CGNL1: variants seen among roughly 807,000 people sequenced by gnomAD.
The protein encoded by CGNL1 is cingulin like 1.
In CGNL1, 132 loss-of-function variants were observed where a neutral mutation model predicts 141.2. The ratio of observed to expected loss-of-function variants is 0.93; its 90% CI spans 0.81 to 1.08. The LOEUF (loss-of-function observed/expected upper bound fraction) is 1.08. Ranked by LOEUF, CGNL1 falls within the 50% of genes least tolerant of loss-of-function variation. The pLI is 0.00. For synonymous variants in CGNL1, 690 were observed against 622.1 expected, an observed-to-expected ratio of 1.11 and a Z score of -1.63; for missense variants, 1,870 against 1,588.6, an observed-to-expected ratio of 1.18 and a Z score of -3.01.
chr15:57,391,913 G>A (rs1162438513), intron 1 of CGNL1, among the ~76,000 whole-genome samples: 1 of 151,806 alleles, frequency 6.6e-6, no homozygotes, highest in African/African-American at 2.4e-5. Flanking sequence ...ATGCAAATCA[G>A]CATGTATTCT....
At chr15:57,520,742 T>C (rs1446139358) in intron 10 of CGNL1, among the ~76,000 whole-genome samples, 2 of 152,154 alleles carry the variant, frequency 1.3e-5, no homozygotes, top group East Asian at 1.9e-4. Flanking sequence ...TCCCACCCCA[T>C]TGGACTTTTG....
rs138689438 is a variant in CGNL1 at position 57,469,862 on chromosome 15, A to G, written c.2403+7970A>G. On this transcript the variant is annotated intron_variant, in intron 8 of 18. Transcript: ENST00000281282. ...TTTGTCCCTTCCCTCTTTCCTGCCA[A>G]TGTCTGAAGAGGTTCTTCCAAAGCA... Among the ~76,000 whole-genome samples the G allele has an allele frequency of 2.0e-3, 307 of 152,246 alleles. 3 individuals are homozygous for G. The highest frequency in any genetic ancestry group is 7.0e-3 in the African/African-American group (291 of 41,548).
At chr15:57,540,916 T>C (rs1003605237) in intron 14 of CGNL1, among the ~76,000 whole-genome samples, 1 of 152,214 alleles carries the variant, frequency 6.6e-6, no homozygotes, top group African/African-American at 2.4e-5. Context: ...CTTGCTCTCA[T>C]TATGACAATG....
rs1319753599 is a variant in CGNL1 at position 57,394,617 on chromosome 15, C to A, written c.-16+18050C>A. 3.9e-5 allele frequency among the ~76,000 whole-genome samples: 6 copies of A among 152,260 alleles called. No homozygotes were observed. In the Middle Eastern group the frequency reaches 0.014, roughly 345 times the overall value. The stretch of plus-strand genomic sequence containing the variant: ...GCCATTCTCAAATGTACAGGTTATT[C>A]TTGTAAATTGGAGACTATTGTATCA... On this transcript the variant is annotated intron_variant, in intron 1 of 18. Coordinates refer to ENST00000281282, the MANE Select transcript of CGNL1 (RefSeq NM_032866.5).
chr15:57,380,241 C>A (rs1567083597), intron 1 of CGNL1, among the ~76,000 whole-genome samples: 1 of 152,138 alleles, frequency 6.6e-6, no homozygotes, highest in Non-Finnish European at 1.5e-5. Context: ...ACCATGTTGG[C>A]CAGGCTGGTC....
chr15:57,394,122 T>TTTTTG (rs2062575937), intron 1 of CGNL1: 1 of 135,852 alleles, frequency 7.4e-6, no homozygotes, highest in Non-Finnish European at 1.6e-5. Flanking sequence ...TTTTTTTTTT[T>TTTTTG]GAGATGGAGT....
intron 8 of CGNL1, among the ~76,000 whole-genome samples, chr15:57,501,626 G>A (rs2064026142): frequency 1.3e-5 from 2 of 152,164 alleles, no homozygotes; most frequent in African/African-American, 4.8e-5. Flanking sequence ...TAAGGGAAAA[G>A]GGTGTTGTCT....
Position 57,547,335 on chromosome 15 carries a change from G to A in CGNL1, c.3774-20G>A, listed in dbSNP as rs1057151263. The A allele has an allele frequency of 6.2e-7, 1 of 1,613,102 alleles. No individual in the cohort carries two copies. Among genetic ancestry groups the A allele is most frequent in the Non-Finnish European group, 8.5e-7 (1 of 1,179,666 alleles). ...GCCCCGGCCCAGGGCCAGGAAACAT[G>A]CCCCTTGTCATTTCAGCAGACTGAA... On this transcript the variant is annotated intron_variant, in intron 18 of 18. Coordinates refer to ENST00000281282, the MANE Select transcript of CGNL1 (RefSeq NM_032866.5).
chr15:57,430,771 G>A (rs1338537435), intron 1 of CGNL1, among the ~76,000 whole-genome samples: 4 of 152,182 alleles, frequency 2.6e-5, no homozygotes, highest in African/African-American at 9.7e-5. Context: ...CCAGGCTGGA[G>A]TGCAGTGGTG....
At chr15:57,497,464 G>C (rs1254360079) in intron 8 of CGNL1, among the ~76,000 whole-genome samples, 2 of 152,168 alleles carry the variant, frequency 1.3e-5, no homozygotes, top group Non-Finnish European at 2.9e-5. Flanking sequence ...CTCAGCAGGG[G>C]AAAAAGAATA....
chr15:57,409,807 A>C (rs939789355), intron 1 of CGNL1, among the ~76,000 whole-genome samples: 1 of 152,248 alleles, frequency 6.6e-6, no homozygotes, highest in Non-Finnish European at 1.5e-5. Flanking sequence ...GAGTCTAACC[A>C]GGGAGTTGTT....
At chr15:57,530,511 G>A (rs888918738) in intron 13 of CGNL1, among the ~76,000 whole-genome samples, 5 of 152,102 alleles carry the variant, frequency 3.3e-5, no homozygotes, top group African/African-American at 4.8e-5. Flanking sequence ...CTCTCCTAAC[G>A]ACGGACATTT....
chr15:57,436,171 CCT>C (rs752092871), intron 1 of CGNL1, among the ~76,000 whole-genome samples: 14 of 152,288 alleles, frequency 9.2e-5, no homozygotes, highest in Non-Finnish European at 1.5e-4. Context: ...AGTCCATTCT[CCT>C]CTCTCTTTTT....
At chr15:57,396,425 CA>C (rs1222107450) in intron 1 of CGNL1, among the ~76,000 whole-genome samples, 2 of 152,076 alleles carry the variant, frequency 1.3e-5, no homozygotes, top group African/African-American at 4.8e-5. Flanking sequence ...AGGTGCATGC[CA>C]CCATGCCTGG....
intron 14 of CGNL1, among the ~76,000 whole-genome samples, chr15:57,540,725 T>A (rs1324949791): frequency 6.6e-6 from 1 of 152,186 alleles, no homozygotes; most frequent in Admixed American, 6.5e-5. Flanking sequence ...ACTGACCTCT[T>A]ATGCAGGGCT....
intron 8 of CGNL1, among the ~76,000 whole-genome samples, chr15:57,515,525 A>G (rs1024779154): frequency 2.0e-5 from 3 of 152,182 alleles, no homozygotes; most frequent in Non-Finnish European, 4.4e-5. Flanking sequence ...AGGCGTCTGT[A>G]GCATTGTGTT....
chr15:57,416,648 C>T lies in CGNL1; in HGVS notation c.-15-21337C>T, dbSNP rs186400785. 1.8e-3 allele frequency among the ~76,000 whole-genome samples: 280 copies of T among 152,308 alleles called. 1 individual carries two copies. Among genetic ancestry groups the T allele is most frequent in the African/African-American group, 6.6e-3 (275 of 41,570 alleles). ...ACTTGGTATCACAGTGTCCTAGGAACTTGTCTCTACTGCTGGGGTGCACAC... is the reference window on the plus strand; with the variant it reads ...ACTTGGTATCACAGTGTCCTAGGAATTTGTCTCTACTGCTGGGGTGCACAC... On this transcript the variant is annotated intron_variant, in intron 1 of 18. Coordinates refer to ENST00000281282, the MANE Select transcript of CGNL1 (RefSeq NM_032866.5).
At chr15:57,400,118 C>G (rs560500063) in intron 1 of CGNL1, among the ~76,000 whole-genome samples, 7 of 151,826 alleles carry the variant, frequency 4.6e-5, no homozygotes, top group African/African-American at 1.7e-4. Context: ...CTAAGCCTCT[C>G]GAGTAGTTGG....
chr15:57,433,310 G>T (rs931092168), intron 1 of CGNL1, among the ~76,000 whole-genome samples: 26 of 152,212 alleles, frequency 1.7e-4, no homozygotes, highest in African/African-American at 6.0e-4. Context: ...GTTGTTTTAT[G>T]ATATTAGTAG....
Sources: allele counts gnomAD v4.1 joint callset (sites outside exome capture counted in the v4.1 genomes callset), GRCh38; gene constraint gnomAD v4.1.1; transcripts MANE v1.5; gene names NCBI Gene and HGNC (gene_info 2026-07-23, HGNC 2026-07-21).